NFIB: variants seen among roughly 807,000 people sequenced by gnomAD.
NFIB encodes nuclear factor 1 B-type.
In NFIB, 11 loss-of-function variants were observed where a neutral mutation model predicts 61.5. The ratio of observed to expected loss-of-function variants is 0.18; its 90% CI spans 0.11 to 0.30. The LOEUF (loss-of-function observed/expected upper bound fraction) is 0.30. Among genes scored for constraint, NFIB ranks in the 10% least tolerant of loss-of-function variants. The pLI is 1.00. For synonymous variants in NFIB, 260 were observed against 216.5 expected, an observed-to-expected ratio of 1.20 and a Z score of -1.76; for missense variants, 471 against 608.9, an observed-to-expected ratio of 0.77 and a Z score of 2.38.
intron 2 of NFIB, among the ~76,000 whole-genome samples, chr9:14,239,716 G>A (rs1010070036): frequency 6.6e-6 from 1 of 152,154 alleles, no homozygotes; most frequent in African/African-American, 2.4e-5. Flanking sequence ...ATTATAATGA[G>A]AGAAGCTTCG....
At chr9:14,324,508 C>T (rs914435722) in intron 1 of NFIB, among the ~76,000 whole-genome samples, 10 of 152,112 alleles carry the variant, frequency 6.6e-5, no homozygotes, top group African/African-American at 2.4e-4. Flanking sequence ...ACCAATCCCT[C>T]CCAATGTCAT....
At chr9:14,217,909 G>C (rs1487378736) in intron 2 of NFIB, among the ~76,000 whole-genome samples, 4 of 152,098 alleles carry the variant, frequency 2.6e-5, no homozygotes, top group Admixed American at 6.5e-5. Context: ...TCTGGGTTAA[G>C]TCAGAATGAA....
Position 14,313,410 on chromosome 9 carries a change from T to C in NFIB, c.30+72A>G. The C allele has an allele frequency of 6.2e-7, 1 of 1,605,330 alleles. No homozygotes were observed. The highest frequency in any genetic ancestry group is 8.5e-7 in the Non-Finnish European group (1 of 1,173,576). ...GCGGAGGTTAACTCAAGCCGCTAAT[T>C]GTCCGCAACAAAACAAAACAAAGGC... On this transcript the variant is annotated intron_variant, in intron 1 of 10. Transcript: ENST00000380953. This position sits in a 1 kb window ranked among gnomAD's most constrained non-coding sequence, Gnocchi z 4.5.
At chr9:14,420,309 G>T in the NFIB span, among the ~76,000 whole-genome samples, 63 of 151,944 alleles carry the variant, frequency 4.1e-4, no homozygotes, top group Non-Finnish European at 8.1e-4. Context: ...TAGTGGGCTT[G>T]GTGGTGTGCG....
chr9:14,212,216 G>C (rs1239117836), intron 2 of NFIB, among the ~76,000 whole-genome samples: 1 of 152,158 alleles, frequency 6.6e-6, no homozygotes, highest in Non-Finnish European at 1.5e-5. Context: ...CAAATAATTA[G>C]AATACTTATT....
rs1390383353 is a variant in NFIB at position 14,188,612 on chromosome 9, T to C, written c.563-8832A>G. ...TGTAAGATTTATAATCTTTCATAAA[T>C]GCTGCCCATATCTTATAATATTAGA... On this transcript the variant is annotated intron_variant, in intron 2 of 10. Transcript: ENST00000380953. Among the ~76,000 whole-genome samples the C allele has an allele frequency of 9.2e-5, 14 of 152,254 alleles. 1 individual carries two copies. The highest frequency in any genetic ancestry group is 9.2e-4 in the Admixed American group (14 of 15,280).
At chr9:14,376,402 A>T (rs7047425) in intron 1 of NFIB, among the ~76,000 whole-genome samples, 6 of 152,108 alleles carry the variant, frequency 3.9e-5, no homozygotes, top group Non-Finnish European at 8.8e-5. Context: ...AGAAGACACT[A>T]TTTCCTGCAG....
chr9:14,473,491 C>G, the NFIB span, among the ~76,000 whole-genome samples: 3 of 152,118 alleles, frequency 2.0e-5, no homozygotes, highest in Admixed American at 1.3e-4. Context: ...ATTCAACAGG[C>G]CTAAAGGAGC....
chr9:14,165,358 G>C (rs928502057), intron 3 of NFIB, among the ~76,000 whole-genome samples: 2 of 152,060 alleles, frequency 1.3e-5, no homozygotes, highest in African/African-American at 4.8e-5. Context: ...ACCAATGAAA[G>C]ATCAAGCACA....
chr9:14,267,822 G>A (rs769849428), intron 2 of NFIB, among the ~76,000 whole-genome samples: 27 of 152,258 alleles, frequency 1.8e-4, no homozygotes, highest in Admixed American at 3.9e-4. Flanking sequence ...GAATAAATAC[G>A]TAGCCTGTTT....
intron 1 of NFIB, among the ~76,000 whole-genome samples, chr9:14,376,308 A>C (rs922415952): frequency 2.6e-5 from 4 of 152,152 alleles, no homozygotes; most frequent in African/African-American, 9.7e-5. Context: ...TTTTAAACAT[A>C]ATTTTTAAAA....
At chr9:14,103,184 T>G (rs1417609361) in intron 10 of NFIB, among the ~76,000 whole-genome samples, 1 of 152,180 alleles carries the variant, frequency 6.6e-6, no homozygotes, top group Non-Finnish European at 1.5e-5. Flanking sequence ...TGAAACAAAT[T>G]CTTCCCAGAT....
the NFIB span, among the ~76,000 whole-genome samples, chr9:14,469,119 A>G: frequency 6.6e-6 from 1 of 152,160 alleles, no homozygotes. Context: ...CTCGATCAAG[A>G]CTATTTTTTG....
At chr9:14,201,380 C>G (rs1195230787) in intron 2 of NFIB, among the ~76,000 whole-genome samples, 2 of 152,208 alleles carry the variant, frequency 1.3e-5, no homozygotes, top group East Asian at 1.9e-4. Context: ...CACCCAACTT[C>G]CTAATATTCT....
the NFIB span, among the ~76,000 whole-genome samples, chr9:14,479,742 T>C: frequency 6.6e-6 from 1 of 152,224 alleles, no homozygotes; most frequent in Non-Finnish European, 1.5e-5. Context: ...CATTCACACA[T>C]ATTAAGGCAG....
chr9:14,515,880 G>A, the NFIB span, among the ~76,000 whole-genome samples: 9,032 of 152,232 alleles, frequency 0.059, 295 homozygotes, highest in Non-Finnish European at 0.066. Context: ...TTCAGGCTAA[G>A]GCCAAAGCCT....
chr9:14,524,667 A>G, the NFIB span, among the ~76,000 whole-genome samples: 1 of 152,184 alleles, frequency 6.6e-6, no homozygotes, highest in Non-Finnish European at 1.5e-5. Context: ...GATGTTGGTG[A>G]ACTAGCAGTG....
chr9:14,518,560 A>C, the NFIB span, among the ~76,000 whole-genome samples: 1 of 151,882 alleles, frequency 6.6e-6, no homozygotes, highest in African/African-American at 2.4e-5. Context: ...GAGAAAGAGG[A>C]GTAGAAAGAA....
chr9:14,498,821 C>T, the NFIB span, among the ~76,000 whole-genome samples: 14,640 of 90,386 alleles, frequency 0.16, 995 homozygotes, highest in African/African-American at 0.25. Flanking sequence ...CTCCCTTCCT[C>T]CCTTCCTCCC....
Sources: gnomAD v4.1 joint callset for allele counts (sites outside exome capture counted in the v4.1 genomes callset) on GRCh38, gnomAD v4.1.1 for gene constraint, Gnocchi (gnomAD v3.1) non-coding constraint, MANE v1.5 for transcripts, NCBI Gene and HGNC (gene_info 2026-07-23, HGNC 2026-07-21) for gene names.